The following ATP9B variants were observed in gnomAD, a reference collection of about 807,000 sequenced individuals.
ATP9B encodes the protein ATPase phospholipid transporting 9B.
A neutral mutation model predicts 146.1 loss-of-function variants in ATP9B; 110 were observed. The ratio of observed to expected loss-of-function variants is 0.75; its 90% confidence interval spans 0.65 to 0.88. ATP9B has a LOEUF of 0.88. Among genes scored for constraint, ATP9B ranks in the 40% least tolerant of loss-of-function variants. The probability of loss-of-function intolerance (pLI) is 0.00; values close to 1 mark genes in which losing one functional copy is unlikely to be tolerated. For synonymous variants in ATP9B, 604 were observed against 569.7 expected (o/e 1.06, Z -0.86); for missense variants, 1,499 against 1,496.4 (o/e 1.00, Z -0.03).
chr18:79,211,500 G>A (rs1314253130), intron 10 of ATP9B, among the ~76,000 whole-genome samples: 1 of 152,104 alleles, frequency 6.6e-6, no homozygotes, highest in Non-Finnish European at 1.5e-5. Flanking sequence ...CTAGTCATGG[G>A]GTCTGTGGAG....
At chr18:79,367,744 G>A (rs1280147702) in intron 26 of ATP9B, among the ~76,000 whole-genome samples, 3 of 152,262 alleles carry the variant, frequency 2.0e-5, no homozygotes, top group African/African-American at 2.4e-5. Context: ...ACCTCCTGCT[G>A]TGGAGCCCTG....
intron 1 of ATP9B, among the ~76,000 whole-genome samples, chr18:79,072,950 C>A (rs545086470): frequency 6.7e-6 from 1 of 149,920 alleles, no homozygotes; most frequent in Non-Finnish European, 1.5e-5. Flanking sequence ...ACATCCCAGA[C>A]GATGGGCGGC....
At chr18:79,296,757 T>A (rs913623229) in intron 13 of ATP9B, among the ~76,000 whole-genome samples, 5 of 152,234 alleles carry the variant, frequency 3.3e-5, no homozygotes, top group Admixed American at 3.3e-4. Context: ...GCAACTTTTT[T>A]GGCTGCTATT....
intron 6 of ATP9B, among the ~76,000 whole-genome samples, chr18:79,147,770 A>G (rs977086301): frequency 2.6e-5 from 4 of 151,916 alleles, no homozygotes; most frequent in Admixed American, 1.3e-4. Flanking sequence ...AAATTAGGAG[A>G]AGACAGCAAA....
chr18:79,372,934 T>A (rs1191333994), intron 27 of ATP9B, 52 bp downstream of exon 27: 17 of 1,340,162 alleles, frequency 1.3e-5, no homozygotes, highest in Non-Finnish European at 1.7e-5. Context: ...ATTTTGGTCT[T>A]TTTGTTAGCA....
At chr18:79,107,809 G>C (rs1214740311) in intron 2 of ATP9B, among the ~76,000 whole-genome samples, 1 of 152,220 alleles carries the variant, frequency 6.6e-6, no homozygotes, top group Non-Finnish European at 1.5e-5. Context: ...CCTGTTGTCA[G>C]CTCAGTGAAT....
rs368936273 is a variant in ATP9B at position 79,253,388 on chromosome 18, T to G, written c.1115T>G (p.Leu372Trp). 3.5e-5 allele frequency: 57 copies of G among 1,605,976 alleles called. No individual in the cohort carries two copies. Among genetic ancestry groups the G allele is most frequent in the Non-Finnish European group, 4.7e-5 (55 of 1,178,064 alleles). The change falls in exon 12 of 30, where the codon TTG becomes TGG. Residue 372 changes from leucine (L) to tryptophan (W), a missense_variant. Coordinates refer to ENST00000426216, the MANE Select transcript of ATP9B (RefSeq NM_198531.5). ...NTSNPKNKVGLLDLELNRLTK... is the reference protein window; with the variant it reads ...NTSNPKNKVGWLDLELNRLTK... ...TATGTGTTTTTCTTTCAGGTTGGTT[T>G]GTTGGACCTTGAACTCAATCGGCTG...
At chr18:79,240,492 T>C (rs1005181622) in intron 11 of ATP9B, among the ~76,000 whole-genome samples, 4 of 152,258 alleles carry the variant, frequency 2.6e-5, no homozygotes, top group Admixed American at 1.3e-4. Context: ...ACGCCTGTAA[T>C]GCCAGCACTT....
intron 11 of ATP9B, among the ~76,000 whole-genome samples, chr18:79,244,841 C>T (rs2095927148): frequency 6.6e-6 from 1 of 152,192 alleles, no homozygotes; most frequent in Non-Finnish European, 1.5e-5. Flanking sequence ...TATTTTAAAT[C>T]ATTTTAAAGA....
At chr18:79,363,320 C>G (rs1422362929) in intron 26 of ATP9B, 1 of 124,292 alleles carries the variant, frequency 8.0e-6, no homozygotes, top group Non-Finnish European at 1.7e-5. Context: ...GATCTGTGTG[C>G]TGGAAACCAA....
chr18:79,246,279 G>A (rs548660259), intron 11 of ATP9B, among the ~76,000 whole-genome samples: 26 of 46,936 alleles, frequency 5.5e-4, no homozygotes, highest in Non-Finnish European at 7.2e-4. Context: ...GGAGGGCACC[G>A]CCCTACTGTC....
At chr18:79,361,830 A>G in intron 26 of ATP9B, 1 of 985,030 alleles carries the variant, frequency 1.0e-6, no homozygotes, top group Non-Finnish European at 1.2e-6. Context: ...GTTTATCCAC[A>G]CCGGTCAGTG....
chr18:79,184,913 T>C (rs1568354803), intron 8 of ATP9B, among the ~76,000 whole-genome samples: 1 of 152,066 alleles, frequency 6.6e-6, no homozygotes, highest in Non-Finnish European at 1.5e-5. Context: ...TTCTAACAGA[T>C]TTAATTTTGC....
chr18:79,306,215 G>A (rs1008859147), intron 14 of ATP9B, among the ~76,000 whole-genome samples: 1 of 152,222 alleles, frequency 6.6e-6, no homozygotes, highest in African/African-American at 2.4e-5. Flanking sequence ...GAGTTACTCC[G>A]AAGTTAACTG....
chr18:79,110,128 G>A (rs1001464876), intron 2 of ATP9B, among the ~76,000 whole-genome samples: 1 of 152,092 alleles, frequency 6.6e-6, no homozygotes, highest in South Asian at 2.1e-4. Flanking sequence ...TAAACAGAAA[G>A]ATAATTCCCC....
chr18:79,152,433 T>C (rs146417691), intron 6 of ATP9B, among the ~76,000 whole-genome samples: 65 of 152,360 alleles, frequency 4.3e-4, no homozygotes, highest in African/African-American at 1.2e-3. Flanking sequence ...TTGTTAGTTA[T>C]ATATGCGTTG....
At chr18:79,297,476 A>G (rs1023539898) in intron 13 of ATP9B, among the ~76,000 whole-genome samples, 14 of 152,222 alleles carry the variant, frequency 9.2e-5, no homozygotes, top group Admixed American at 1.3e-4. Flanking sequence ...TGAGGCACTC[A>G]GTAAATATTA....
At chr18:79,087,268 A>T (rs1487649099) in intron 1 of ATP9B, 2 of 152,246 alleles carry the variant, frequency 1.3e-5, no homozygotes, top group Non-Finnish European at 2.9e-5. Context: ...CCCATTAGGC[A>T]CTATCTTCTA....
intron 12 of ATP9B, among the ~76,000 whole-genome samples, chr18:79,257,517 G>A (rs1475169693): frequency 1.3e-5 from 2 of 152,230 alleles, no homozygotes. Flanking sequence ...CACTGGAACA[G>A]AGAGAACCTT....
Sources: gnomAD v4.1 joint callset for allele counts (sites outside exome capture counted in the v4.1 genomes callset) on GRCh38, gnomAD v4.1.1 for gene constraint, MANE v1.5 for transcripts, NCBI Gene and HGNC (gene_info 2026-07-23, HGNC 2026-07-21) for gene names.